LHX9: variants seen among roughly 807,000 people sequenced by gnomAD.
LHX9 encodes LIM homeobox 9, also known as LIM/homeobox protein Lhx9.
In LHX9, 9 loss-of-function variants were observed where a neutral mutation model predicts 36.5. The observed-to-expected ratio is 0.25, with a 90% CI of 0.15 to 0.43. The LOEUF (loss-of-function observed/expected upper bound fraction) is 0.43, where lower values mean the gene tolerates loss of function less well. Ranked by LOEUF, LHX9 falls within the 20% of genes least tolerant of loss-of-function variation. LHX9 has a pLI of 1.00. For synonymous variants in LHX9, 211 were observed against 212.1 expected, an observed-to-expected ratio of 0.99 and a Z score of 0.04; for missense variants, 464 against 526.4, an observed-to-expected ratio of 0.88 and a Z score of 1.16.
rs1660316043 is a variant in LHX9, at chr1:197,931,098, G to A, written c.*1839G>A. 1 of 151,866 alleles carries A rather than the reference G, an allele frequency of 6.6e-6. No individual in the cohort carries two copies. The highest frequency in any genetic ancestry group is 1.5e-5 in the Non-Finnish European group (1 of 67,832). The allele number at this position is 151,866 out of a possible 1,614,324, so 9.4% of individuals were successfully genotyped here. A position where few individuals can be genotyped will look rare whatever the true frequency, so the allele number is the denominator to read the frequency against. On this transcript the variant is annotated 3_prime_UTR_variant, in exon 5 of 5. Coordinates refer to ENST00000367387, the MANE Select transcript of LHX9 (RefSeq NM_020204.3). ...TCCTATGTGCCTTATGATATAACTTGGAAGTAAGTTTGTGAAAAATCAGGA... is the reference window on the plus strand; with the variant it reads ...TCCTATGTGCCTTATGATATAACTTAGAAGTAAGTTTGTGAAAAATCAGGA...
intron 1 of LHX9, among the ~76,000 whole-genome samples, chr1:197,919,728 G>C (rs965141605): frequency 1.3e-5 from 2 of 152,340 alleles, no homozygotes; most frequent in South Asian, 4.1e-4. Flanking sequence ...GGATGGCTGG[G>C]ATGTCTTTAG....
rs1660314049 is a variant in LHX9 at position 197,931,029 on chromosome 1, T to C, written c.*1770T>C. 1 of 152,050 alleles carries C rather than the reference T, an allele frequency of 6.6e-6. No homozygotes were observed. The highest frequency in any genetic ancestry group is 1.5e-5 in the Non-Finnish European group (1 of 67,888). 9.4% of individuals were successfully genotyped at this position (152,050 alleles called of 1,614,324 possible). A position where few individuals can be genotyped will look rare whatever the true frequency, so the allele number is the denominator to read the frequency against. ...TCTTTGACAGAACAATATATGGTAC[T>C]ATATAGATCTACTTTATTAAGTAGA... On this transcript the variant is annotated 3_prime_UTR_variant, in exon 5 of 5. Transcript: ENST00000367387.
upstream of LHX9, chr1:197,912,611 C>T (rs751316386): frequency 6.4e-7 from 1 of 1,564,814 alleles, no homozygotes; most frequent in Non-Finnish European, 8.8e-7. Flanking sequence ...TGGGCCAGTG[C>T]GTATACCATG....
intron 3 of LHX9, among the ~76,000 whole-genome samples, chr1:197,924,661 T>G (rs1557975386): frequency 6.6e-6 from 1 of 152,286 alleles, no homozygotes; most frequent in South Asian, 2.1e-4. Flanking sequence ...TTTCTTCCTA[T>G]CCAAACTTTT....
intron 3 of LHX9, among the ~76,000 whole-genome samples, chr1:197,922,333 G>A (rs1224527351): frequency 2.0e-5 from 3 of 152,172 alleles, no homozygotes; most frequent in Non-Finnish European, 4.4e-5. Flanking sequence ...CTCCAGGTCA[G>A]GCCTCCTGAA....
intron 3 of LHX9, among the ~76,000 whole-genome samples, chr1:197,922,972 A>G (rs1660034825): frequency 6.6e-6 from 1 of 152,242 alleles, no homozygotes; most frequent in South Asian, 2.1e-4. Flanking sequence ...TGTGAAGCTA[A>G]GAGTCCTGCT....
intron 3 of LHX9, among the ~76,000 whole-genome samples, chr1:197,927,351 G>T (rs1287065383): frequency 1.3e-5 from 2 of 152,222 alleles, no homozygotes; most frequent in Non-Finnish European, 2.9e-5. Flanking sequence ...TTAAACAAAA[G>T]AGAGGATTTA....
rs1178822571 is a variant in LHX9 at position 197,929,346 on chromosome 1, T to C, written c.*87T>C. The C allele has an allele frequency of 2.5e-6, 3 of 1,194,966 alleles. No individual in the cohort carries two copies. In the African/African-American group the frequency reaches 4.7e-5, roughly 19 times the overall value. The allele number at this position is 1,194,966 out of a possible 1,614,324, so 74.0% of individuals were successfully genotyped here. Reference sequence around the variant, plus strand: ...TTATTATTTTATTATTTACAAGACTTTTTTTTTCTTCTAACCCACAAGATA... The same window carrying C: ...TTATTATTTTATTATTTACAAGACTCTTTTTTTCTTCTAACCCACAAGATA... On this transcript the variant is annotated 3_prime_UTR_variant, in exon 5 of 5. Transcript: ENST00000367387.
At chr1:197,915,473 A>T (rs1346947934), upstream of LHX9, among the ~76,000 whole-genome samples, 8 of 152,154 alleles carry the variant, frequency 5.3e-5, no homozygotes, top group Non-Finnish European at 1.2e-4. Flanking sequence ...ATTGATTCCC[A>T]TCCAAAGGGG....
In LHX9 at chr1:197,917,838, G is replaced by C; in HGVS notation, c.15G>C (p.Gly5=). 6.2e-7 allele frequency: 1 copy of C among 1,614,218 alleles called. No individual in the cohort carries two copies. Among genetic ancestry groups the C allele is most frequent in the Non-Finnish European group, 8.5e-7 (1 of 1,180,024 alleles). The part of the protein sequence containing the change: MEIV[G]CRAEDNSCPF... The stretch of plus-strand genomic sequence containing the variant: ...GGCGTGTGTATATGGAAATAGTGGG[G>C]TGCCGAGCAGAAGACAACTCGTGTC... Residue 5 remains glycine, a synonymous_variant, in exon 1 of 5, where the codon GGG becomes GGC. Transcript: ENST00000367387.
At position 197,917,543 on chromosome 1, in the gene LHX9, GT is replaced by G. The variant is rs1376856137; in HGVS notation, c.-280del. Reference sequence around the variant, plus strand: ...ATTAGTAACTCGATCTCTCAGAGCAGTAAGATTCGCCTTCTACGCCTCTTTT... The same window carrying G: ...ATTAGTAACTCGATCTCTCAGAGCAGAAGATTCGCCTTCTACGCCTCTTTT... On this transcript the variant is annotated 5_prime_UTR_variant, in exon 1 of 5. Transcript: ENST00000367387. 1 of 1,457,296 alleles carries G rather than the reference GT, an allele frequency of 6.9e-7. No homozygotes were observed. The highest frequency in any genetic ancestry group is 3.1e-5 in the East Asian group (1 of 32,412). The allele number at this position is 1,457,296 out of a possible 1,614,324, so 90.3% of individuals were successfully genotyped here.
chr1:197,920,938 T>C (rs189620967), intron 2 of LHX9, among the ~76,000 whole-genome samples: 6 of 152,332 alleles, frequency 3.9e-5, no homozygotes, highest in Admixed American at 3.9e-4. Flanking sequence ...CTTTCATTCA[T>C]ATGTTTTGTA....
intron 4 of LHX9, 106 bp from the exon 5 acceptor site, chr1:197,928,893 CAAA>C: frequency 2.0e-6 from 2 of 1,020,554 alleles, no homozygotes; most frequent in Non-Finnish European, 2.6e-6. Flanking sequence ...AAACCTATAT[CAAA>C]AAAAAAAAAG....
At chr1:197,918,729 A>G (rs558151531) in intron 1 of LHX9, 32 of 175,982 alleles carry the variant, frequency 1.8e-4, no homozygotes, top group Non-Finnish European at 3.1e-4. Flanking sequence ...CCATAATAAT[A>G]AAGTCATGTC....
intron 3 of LHX9, among the ~76,000 whole-genome samples, chr1:197,925,835 A>G (rs191520551): frequency 6.6e-6 from 1 of 152,338 alleles, no homozygotes; most frequent in Non-Finnish European, 1.5e-5. Context: ...TTAATTTCGC[A>G]TTAATACTCA....
chr1:197,921,036 A>AT lies in LHX9; in HGVS notation c.378-260dup, dbSNP rs1001041689. Among the ~76,000 whole-genome samples the AT allele has an allele frequency of 2.0e-5, 3 of 152,026 alleles. No individual in the cohort carries two copies. Among genetic ancestry groups the AT allele is most frequent in the Non-Finnish European group, 2.9e-5 (2 of 68,010 alleles). Reference sequence around the variant, plus strand: ...GCTAACTAGTGGTTTGCTTTTTTAAATTTTTTTTAATGTTTTAAATTTTCA... The same window carrying AT: ...GCTAACTAGTGGTTTGCTTTTTTAAATTTTTTTTTAATGTTTTAAATTTTCA... On this transcript the variant is annotated intron_variant, in intron 2 of 4. Coordinates refer to ENST00000367387, the MANE Select transcript of LHX9 (RefSeq NM_020204.3). This position sits in a 1 kb window ranked among gnomAD's most constrained non-coding sequence, Gnocchi z 4.6.
chr1:197,921,553 C>A lies in LHX9; in HGVS notation c.627C>A (p.Gly209=), dbSNP rs939093033. ...ACACGGAGCTGGCGGCCAAGAGCGG[C>A]GGCCTGGCCCTGCCTTACTTCAACG... ...LSYTELAAKS[G]GLALPYFNGT... is the part of the protein sequence containing the mutation. The change falls in exon 3 of 5, where the codon GGC becomes GGA. Residue 209 remains glycine (G), a synonymous_variant. Transcript: ENST00000367387. This position sits in a 1 kb window ranked among gnomAD's most constrained non-coding sequence, Gnocchi z 4.6. 24 of 1,613,442 alleles carry A rather than the reference C, an allele frequency of 1.5e-5. 1 individual carries two copies. The Middle Eastern group carries it at 1.2e-3, about 77-fold the overall frequency.
upstream of LHX9, among the ~76,000 whole-genome samples, chr1:197,913,482 G>C (rs1659672462): frequency 6.6e-6 from 1 of 152,184 alleles, no homozygotes; most frequent in Non-Finnish European, 1.5e-5. Flanking sequence ...AGCAGCCCCA[G>C]TATGGATCTG....
chr1:197,933,146 T>C lies in LHX9; in HGVS notation c.*3887T>C, dbSNP rs1660368456. The C allele has an allele frequency of 6.6e-6, 1 of 152,104 alleles. No homozygotes were observed. The highest frequency in any genetic ancestry group is 2.4e-5 in the African/African-American group (1 of 41,462). 9.4% of individuals were successfully genotyped at this position (152,104 alleles called of 1,614,324 possible). On this transcript the variant is annotated 3_prime_UTR_variant, in exon 5 of 5. Transcript: ENST00000367387. ...CCTATTTAGCCGTATATCCAAAGCA[T>C]ATGTTAAACAAACTAACATATACTT...
Sources: allele counts gnomAD v4.1 joint callset (sites outside exome capture counted in the v4.1 genomes callset), GRCh38; gene constraint gnomAD v4.1.1; non-coding constraint Gnocchi (gnomAD v3.1); transcripts MANE v1.5; gene names NCBI Gene and HGNC (gene_info 2026-07-23, HGNC 2026-07-21).